The following REPS1 variants were observed in gnomAD, a reference collection of about 807,000 sequenced individuals.
REPS1 encodes the protein ralBP1-associated Eps domain-containing protein 1.
In REPS1, 39 loss-of-function variants were observed where a neutral mutation model predicts 100.9. That is an observed-to-expected ratio of 0.39 (90% CI 0.30 to 0.50). The LOEUF is 0.50. Ranked by LOEUF, REPS1 falls within the 20% of genes least tolerant of loss-of-function variation. REPS1 has a pLI of 0.86. For missense variants in REPS1, 821 were observed against 968.5 expected (o/e 0.85, Z 2.02); for synonymous variants, 324 against 340.3 (o/e 0.95, Z 0.53).
chr6:138,960,017 T>C (rs1783637061), intron 1 of REPS1, among the ~76,000 whole-genome samples: 1 of 152,000 alleles, frequency 6.6e-6, no homozygotes, highest in South Asian at 2.1e-4. Flanking sequence ...GCTTATGGAG[T>C]AGTAGTTTCA....
chr6:138,975,421 G>A (rs897156346), intron 1 of REPS1, among the ~76,000 whole-genome samples: 2 of 152,136 alleles, frequency 1.3e-5, no homozygotes, highest in Admixed American at 6.5e-5. Flanking sequence ...CAAAATCAAC[G>A]AAAGGTATAA....
At chr6:138,954,968 C>CT (rs887240391) in intron 1 of REPS1, among the ~76,000 whole-genome samples, 4 of 152,074 alleles carry the variant, frequency 2.6e-5, no homozygotes, top group Non-Finnish European at 2.9e-5. Context: ...CCGCATACAT[C>CT]TTTTTTTATA....
intron 19 of REPS1, 58 bp from the exon 20 acceptor site, chr6:138,905,190 C>G: frequency 9.8e-7 from 1 of 1,024,406 alleles, no homozygotes; most frequent in Non-Finnish European, 1.5e-6. Context: ...GAAGAAATAT[C>G]TAACAACAGC....
chr6:138,986,812 G>T (rs1490725194), intron 1 of REPS1, among the ~76,000 whole-genome samples: 2 of 152,124 alleles, frequency 1.3e-5, no homozygotes, highest in African/African-American at 4.8e-5. Context: ...AACCTACAGG[G>T]TTTGCTCCTC....
At chr6:138,963,787 G>C (rs552928673) in intron 1 of REPS1, among the ~76,000 whole-genome samples, 1 of 152,032 alleles carries the variant, frequency 6.6e-6, no homozygotes, top group African/African-American at 2.4e-5. Context: ...GTTTAGCTTC[G>C]GGTACATACT....
At chr6:138,967,647 C>G (rs1168735638) in intron 1 of REPS1, among the ~76,000 whole-genome samples, 2 of 152,226 alleles carry the variant, frequency 1.3e-5, no homozygotes, top group South Asian at 2.1e-4. Context: ...CCCAGTGCAG[C>G]AACACTTTAT....
intron 3 of REPS1, 38 bp downstream of exon 3, chr6:138,945,463 A>G: frequency 6.3e-7 from 1 of 1,580,672 alleles, no homozygotes; most frequent in Non-Finnish European, 8.6e-7. Flanking sequence ...GCATTTGCAC[A>G]GGGCATCAAC....
intron 1 of REPS1, among the ~76,000 whole-genome samples, chr6:138,978,041 C>T (rs1784694173): frequency 6.6e-6 from 1 of 150,838 alleles, no homozygotes; most frequent in Non-Finnish European, 1.5e-5. Context: ...TTATTGTTGT[C>T]TTTGGTGAAA....
In REPS1 at chr6:138,930,019, T is replaced by G. The variant is rs756954690; in HGVS notation, c.1215A>C (p.Pro405=). 6.2e-7 allele frequency: 1 copy of G among 1,613,818 alleles called. No individual in the cohort carries two copies. The highest frequency in any genetic ancestry group is 8.5e-7 in the Non-Finnish European group (1 of 1,179,760). Residue 405 remains proline, a synonymous_variant, in exon 9 of 20, where the codon CCA becomes CCC. Transcript: ENST00000450536. ...EAPPSKSPSM[P]SLNQTWPELN... ...GCTCAGGCCATGTCTGGTTTAGTGA[T>G]GGCATCGATGGTGACTTGCTTGGAG...
At chr6:138,920,905 T>C in intron 11 of REPS1, 132 bp downstream of exon 11, 1 of 642,196 alleles carries the variant, frequency 1.6e-6, no homozygotes, top group Non-Finnish European at 2.7e-6. Context: ...TAAATATGCA[T>C]GAACATATAC....
chr6:138,908,643 T>C, intron 18 of REPS1, 25 bp downstream of exon 18: 2 of 1,611,010 alleles, frequency 1.2e-6, no homozygotes, highest in South Asian at 2.2e-5. Context: ...AGTAATTAAA[T>C]GTGTCTAGGA....
intron 1 of REPS1, among the ~76,000 whole-genome samples, chr6:138,969,431 C>T (rs1378351373): frequency 6.6e-6 from 1 of 150,548 alleles, no homozygotes; most frequent in Non-Finnish European, 1.5e-5. Context: ...CTAACAGGCA[C>T]ACACCACTGC....
intron 1 of REPS1, among the ~76,000 whole-genome samples, chr6:138,956,937 C>A (rs1252288821): frequency 1.3e-5 from 2 of 151,178 alleles, no homozygotes; most frequent in South Asian, 2.1e-4. Flanking sequence ...CATCAGAGAA[C>A]AAGATATCTT....
intron 7 of REPS1, among the ~76,000 whole-genome samples, chr6:138,941,852 A>C (rs1782273275): frequency 6.6e-6 from 1 of 152,178 alleles, no homozygotes; most frequent in Admixed American, 6.5e-5. Context: ...TTATGTTATC[A>C]AAATTCACCA....
chr6:138,946,714 G>C lies in REPS1; in HGVS notation c.278-1017C>G, dbSNP rs189360306. Among the ~76,000 whole-genome samples the C allele has an allele frequency of 3.0e-4, 46 of 152,262 alleles. 1 individual carries two copies. The East Asian group carries it at 8.9e-3, about 29-fold the overall frequency. On this transcript the variant is annotated intron_variant, in intron 2 of 19. Coordinates refer to ENST00000450536, the MANE Select transcript of REPS1 (RefSeq NM_001286611.2). ...AATTTTACAGAAATTTTTCTGTACA[G>C]ATTATTTTTAAAATCTTAATTTTTC...
intron 1 of REPS1, among the ~76,000 whole-genome samples, chr6:138,956,051 C>A (rs761833533): frequency 1.3e-5 from 2 of 152,068 alleles, no homozygotes; most frequent in African/African-American, 4.8e-5. Flanking sequence ...AGAGTTAACG[C>A]CTTTATGCAT....
intron 1 of REPS1, among the ~76,000 whole-genome samples, chr6:138,949,973 T>A (rs1346210775): frequency 6.6e-6 from 1 of 152,176 alleles, no homozygotes; most frequent in Non-Finnish European, 1.5e-5. Context: ...AAAAGCTGTT[T>A]TGGTGATACA....
In REPS1 at chr6:138,987,614, A is replaced by T. The variant is rs1331357453; in HGVS notation, c.69T>A (p.Ile23=). Residue 23 remains isoleucine (I), a synonymous_variant, in exon 1 of 20, where the codon ATT becomes ATA. Coordinates refer to ENST00000450536, the MANE Select transcript of REPS1 (RefSeq NM_001286611.2). ...TGACCACCACCTTCTTGGTGCTCTCAATGTCGCAGTAGGAGAAGAGATCTG... is the reference window on the plus strand; with the variant it reads ...TGACCACCACCTTCTTGGTGCTCTCTATGTCGCAGTAGGAGAAGAGATCTG... The part of the protein sequence containing the change: ...YYSDLFSYCD[I]ESTKKVVVNG... The T allele has an allele frequency of 1.9e-6, 3 of 1,550,942 alleles. No individual in the cohort carries two copies. Among genetic ancestry groups the T allele is most frequent in the Non-Finnish European group, 2.6e-6 (3 of 1,146,700 alleles).
intron 11 of REPS1, among the ~76,000 whole-genome samples, chr6:138,920,579 A>C (rs1649533089): frequency 6.6e-6 from 1 of 152,260 alleles, no homozygotes; most frequent in Non-Finnish European, 1.5e-5. Flanking sequence ...CAGCACACTT[A>C]AACACTACAT....
Sources: gnomAD v4.1 joint callset for allele counts (sites outside exome capture counted in the v4.1 genomes callset) on GRCh38, gnomAD v4.1.1 for gene constraint, MANE v1.5 for transcripts, NCBI Gene and HGNC (gene_info 2026-07-23, HGNC 2026-07-21) for gene names.